APOL6: variants seen among roughly 807,000 people sequenced by gnomAD.
APOL6 encodes apolipoprotein L6.
A neutral mutation model predicts 2.4 loss-of-function variants in APOL6; 1 was observed. The observed-to-expected ratio is 0.41, with a 90% CI of 0.15 to 1.94. The LOEUF (loss-of-function observed/expected upper bound fraction) is 1.94, where lower values mean the gene tolerates loss of function less well. Ranked by LOEUF, APOL6 falls within the 30% of genes most tolerant of loss-of-function variation. The probability of loss-of-function intolerance (pLI) is 0.30; values close to 1 mark genes in which losing one functional copy is unlikely to be tolerated. For missense variants in APOL6, 438 were observed against 429.2 expected (o/e 1.02, Z -0.18); for synonymous variants, 189 against 169.3 (o/e 1.12, Z -0.90).
intron 1 of APOL6, among the ~76,000 whole-genome samples, chr22:35,650,061 A>G (rs1166738193): frequency 6.6e-6 from 1 of 152,178 alleles, no homozygotes; most frequent in Non-Finnish European, 1.5e-5. Flanking sequence ...ACTGTGTGAC[A>G]CTGGCCTCCC....
chr22:35,658,759 CG>C lies in APOL6; in HGVS notation c.196del (p.Asp66IlefsTer25). 6.2e-7 allele frequency: 1 copy of C among 1,614,134 alleles called. No individual in the cohort carries two copies. Among genetic ancestry groups the C allele is most frequent in the Non-Finnish European group, 8.5e-7 (1 of 1,180,020 alleles). ...TTGACAAGCTCCGTGCCCTCGCAGACGATATTGACAAAACCCACAAGAAATT... is the reference window on the plus strand; with the variant it reads ...TTGACAAGCTCCGTGCCCTCGCAGACATATTGACAAAACCCACAAGAAATT... Reference protein sequence around the residue: ...NIDKLRALADDIDKTHKKFTK... With the variant: ...NIDKLRALADXIDKTHKKFTK... On this transcript the variant is annotated frameshift_variant, in exon 3 of 3. Transcript: ENST00000409652. LOFTEE classifies it low-confidence loss of function (END_TRUNC).
At position 35,659,167 on chromosome 22, in the gene APOL6, C is replaced by T. The variant is rs1924939652; in HGVS notation, c.603C>T (p.Thr201=). 1.2e-6 allele frequency: 2 copies of T among 1,614,164 alleles called. No homozygotes were observed. Among genetic ancestry groups the T allele is most frequent in the Non-Finnish European group, 1.7e-6 (2 of 1,180,028 alleles). ...CCAACCCACGCTTGGCCAATGCTAC[C>T]AAGCGTCTTCTGACCACTGGCCAAG... ...LRANPRLANA[T]KRLLTTGQVS... is the part of the protein sequence containing the mutation. The change falls in exon 3 of 3, where the codon ACC becomes ACT. Residue 201 remains threonine (T), a synonymous_variant. Transcript: ENST00000409652.
intron 1 of APOL6, among the ~76,000 whole-genome samples, chr22:35,649,295 C>T (rs1034400607): frequency 6.6e-6 from 1 of 151,906 alleles, no homozygotes; most frequent in South Asian, 2.1e-4. Flanking sequence ...AATAGCTGGG[C>T]GTGATGGTGC....
At chr22:35,650,538 G>A (rs1924660119) in intron 1 of APOL6, among the ~76,000 whole-genome samples, 1 of 152,074 alleles carries the variant, frequency 6.6e-6, no homozygotes, top group Admixed American at 6.5e-5. Flanking sequence ...AGCGTAAGGT[G>A]GATTTTATAA....
Position 35,666,436 on chromosome 22 carries a change from C to A in APOL6, c.*6840C>A, listed in dbSNP as rs1925185354. On this transcript the variant is annotated 3_prime_UTR_variant, in exon 3 of 3. Coordinates refer to ENST00000409652, the MANE Select transcript of APOL6 (RefSeq NM_030641.4). ...TACAGGCATACACCACCATGCCCAG[C>A]TAATTTTTTTGTATTTTCAGTAGAG... 1 of 152,124 alleles carries A rather than the reference C, an allele frequency of 6.6e-6. No homozygotes were observed. 9.4% of individuals were successfully genotyped at this position (152,124 alleles called of 1,614,324 possible).
chr22:35,661,921 T>C lies in APOL6; in HGVS notation c.*2325T>C, dbSNP rs1323510911. 2 of 152,266 alleles carry C rather than the reference T, an allele frequency of 1.3e-5. No individual in the cohort carries two copies. The highest frequency in any genetic ancestry group is 2.9e-5 in the Non-Finnish European group (2 of 68,048). The allele number at this position is 152,266 out of a possible 1,614,324, so 9.4% of individuals were successfully genotyped here. A position where few individuals can be genotyped will look rare whatever the true frequency, so the allele number is the denominator to read the frequency against. Reference sequence around the variant, plus strand: ...TATAAATCTTATCAAACCATGGTTGTATATGCAGTTGACCGAAACATTGTT... The same window carrying C: ...TATAAATCTTATCAAACCATGGTTGCATATGCAGTTGACCGAAACATTGTT... On this transcript the variant is annotated 3_prime_UTR_variant, in exon 3 of 3. Transcript: ENST00000409652.
rs1189552915 is a variant in APOL6 at position 35,664,279 on chromosome 22, A to G, written c.*4683A>G. On this transcript the variant is annotated 3_prime_UTR_variant, in exon 3 of 3. Transcript: ENST00000409652. ...ATGATCTTTGCTTGTGTAATTTTTA[A>G]TAAATAAGACATTGATATGGGTTTA... 1 of 152,238 alleles carries G rather than the reference A, an allele frequency of 6.6e-6. No individual in the cohort carries two copies. Among genetic ancestry groups the G allele is most frequent in the Non-Finnish European group, 1.5e-5 (1 of 68,044 alleles). The allele number at this position is 152,238 out of a possible 1,614,324, so 9.4% of individuals were successfully genotyped here.
In APOL6 at chr22:35,666,732, C is replaced by G. The variant is rs1925195159; in HGVS notation, c.*7136C>G. Reference sequence around the variant, plus strand: ...AGCTAAAATGTTCATGAGTATCAAGCAGAACAGGAATTAACTGCATAGACT... The same window carrying G: ...AGCTAAAATGTTCATGAGTATCAAGGAGAACAGGAATTAACTGCATAGACT... On this transcript the variant is annotated 3_prime_UTR_variant, in exon 3 of 3. Transcript: ENST00000409652. 6.6e-6 allele frequency: 1 copy of G among 152,114 alleles called. No homozygotes were observed. The highest frequency in any genetic ancestry group is 2.4e-5 in the African/African-American group (1 of 41,408). 9.4% of individuals were successfully genotyped at this position (152,114 alleles called of 1,614,324 possible).
chr22:35,656,283 A>T, intron 1 of APOL6, 96 bp from the exon 2 acceptor site: 1 of 912,588 alleles, frequency 1.1e-6, no homozygotes, highest in South Asian at 1.4e-5. Flanking sequence ...TGTGGTTGTT[A>T]TTTTGATAGT....
Position 35,662,604 on chromosome 22 carries a change from A to G in APOL6, c.*3008A>G, listed in dbSNP as rs117039990. On this transcript the variant is annotated 3_prime_UTR_variant, in exon 3 of 3. Coordinates refer to ENST00000409652, the MANE Select transcript of APOL6 (RefSeq NM_030641.4). The stretch of plus-strand genomic sequence containing the variant: ...AATGTCTTATGTCTCCCTAAAATGT[A>G]TAAAACCAAGGTATGCCCCAACCAT... 6.3e-3 allele frequency: 956 copies of G among 152,418 alleles called. 4 individuals carry two copies. Among genetic ancestry groups the G allele is most frequent in the Non-Finnish European group, 0.011 (724 of 68,116 alleles). The allele number at this position is 152,418 out of a possible 1,614,324, so 9.4% of individuals were successfully genotyped here. A position where few individuals can be genotyped will look rare whatever the true frequency, so the allele number is the denominator to read the frequency against.
In APOL6 at chr22:35,667,851, G is replaced by A. The variant is rs939170932; in HGVS notation, c.*8255G>A. 1 of 152,288 alleles carries A rather than the reference G, an allele frequency of 6.6e-6. No homozygotes were observed. Among genetic ancestry groups the A allele is most frequent in the Middle Eastern group, 3.4e-3 (1 of 294 alleles). The allele number at this position is 152,288 out of a possible 1,614,324, so 9.4% of individuals were successfully genotyped here. Reference sequence around the variant, plus strand: ...GACTATGAGTTCAACTTTAGAGGGAGCCATGGGGACTAAACAAAATTCTGA... The same window carrying A: ...GACTATGAGTTCAACTTTAGAGGGAACCATGGGGACTAAACAAAATTCTGA... On this transcript the variant is annotated 3_prime_UTR_variant, in exon 3 of 3. Transcript: ENST00000409652.
Position 35,659,956 on chromosome 22 carries a change from A to G in APOL6, c.*360A>G, listed in dbSNP as rs763468702. 4 of 202,252 alleles carry G rather than the reference A, an allele frequency of 2.0e-5. No homozygotes were observed. The highest frequency in any genetic ancestry group is 4.1e-5 in the Non-Finnish European group (4 of 97,646). 12.5% of individuals were successfully genotyped at this position (202,252 alleles called of 1,614,324 possible). On this transcript the variant is annotated 3_prime_UTR_variant, in exon 3 of 3. Transcript: ENST00000409652. ...AATTTTGGTATTTTTTTGTAGAGAC[A>G]GGGTTTCACCATTTTGGCCAGGCTG...
At chr22:35,656,271 T>C (rs1415392527) in intron 1 of APOL6, 108 bp from the exon 2 acceptor site, 24 of 804,874 alleles carry the variant, frequency 3.0e-5, no homozygotes, top group Admixed American at 9.9e-5. Context: ...TTTAGTATGC[T>C]ATGTGGTTGT....
intron 1 of APOL6, among the ~76,000 whole-genome samples, chr22:35,652,849 C>A (rs1474876318): frequency 6.6e-5 from 10 of 151,282 alleles, no homozygotes; most frequent in South Asian, 2.1e-4. Flanking sequence ...CAGCTTTGTT[C>A]TTTTGGCTTA....
intron 1 of APOL6, among the ~76,000 whole-genome samples, chr22:35,654,746 G>T (rs1924799030): frequency 6.6e-6 from 1 of 151,998 alleles, no homozygotes. Flanking sequence ...AGTCTATGTG[G>T]TCATAATTGT....
In APOL6 at chr22:35,659,596, A is replaced by C. The variant is rs944299421; in HGVS notation, c.1032A>C (p.Ter344CysextTer23). The C allele has an allele frequency of 1.3e-6, 2 of 1,597,468 alleles. No individual in the cohort carries two copies. Among genetic ancestry groups the C allele is most frequent in the African/African-American group, 2.7e-5 (2 of 74,552 alleles). The change falls in exon 3 of 3, where the codon TGA (stop) becomes TGC (cysteine). Residue 344 changes from the stop codon to cysteine (C), a stop_lost. Transcript: ENST00000409652. ...TCTGTGTGTATGTACAGTTTACATG[A>C]ATGTTCCTCAGGACATGGCATACAA... ...LCVCVYVQFT[*>C]
rs1924957848 is a variant in APOL6, at chr22:35,659,488, T to C, written c.924T>C (p.Thr308=). 6.2e-7 allele frequency: 1 copy of C among 1,613,996 alleles called. No homozygotes were observed. Among genetic ancestry groups the C allele is most frequent in the Admixed American group, 1.7e-5 (1 of 59,996 alleles). The stretch of plus-strand genomic sequence containing the variant: ...CCAGAGGGGTGGGGAAGGATTTAAC[T>C]GGGACCTGCGAAACCGAGGCTTACT... ...SRARGVGKDL[T]GTCETEAYWK... Residue 308 remains threonine, a synonymous_variant, in exon 3 of 3, where the codon ACT becomes ACC. Transcript: ENST00000409652.
chr22:35,653,255 G>T (rs9754408), intron 1 of APOL6, among the ~76,000 whole-genome samples: 7,765 of 152,230 alleles, frequency 0.051, 525 homozygotes, highest in African/African-American at 0.15. Context: ...TTTGTATCCC[G>T]AGACTTTGCT....
At chr22:35,653,428 C>T (rs566911749) in intron 1 of APOL6, among the ~76,000 whole-genome samples, 40 of 152,324 alleles carry the variant, frequency 2.6e-4, no homozygotes, top group South Asian at 8.3e-4. Context: ...GAACTTCCAA[C>T]GCTATGTTGA....
Sources: allele counts gnomAD v4.1 joint callset (sites outside exome capture counted in the v4.1 genomes callset), GRCh38; gene constraint gnomAD v4.1.1; transcripts MANE v1.5; gene names NCBI Gene and HGNC (gene_info 2026-07-23, HGNC 2026-07-21).